The following MAST3 variants were observed in gnomAD, a reference collection of about 807,000 sequenced individuals.
MAST3 encodes microtubule-associated serine/threonine-protein kinase 3.
In MAST3, 43 loss-of-function variants were observed where a neutral mutation model predicts 127.0. That is an observed-to-expected ratio of 0.34 (90% confidence interval 0.27 to 0.44). The LOEUF (loss-of-function observed/expected upper bound fraction) is 0.44, where lower values mean the gene tolerates loss of function less well. Ranked by LOEUF, MAST3 falls within the 20% of genes least tolerant of loss-of-function variation. The pLI, the probability that MAST3 is intolerant of heterozygous loss-of-function variation, is 1.00. For synonymous variants in MAST3, 785 were observed against 809.2 expected (o/e 0.97, Z 0.51); for missense variants, 1,390 against 1,919.1 (o/e 0.72, Z 5.15).
intron 1 of MAST3, among the ~76,000 whole-genome samples, chr19:18,105,425 G>A (rs2037992048): frequency 6.6e-6 from 1 of 151,496 alleles, no homozygotes; most frequent in Non-Finnish European, 1.5e-5. Flanking sequence ...GCTTATGCCT[G>A]TAATCCCAGC....
chr19:18,107,705 T>A, intron 2 of MAST3, 87 bp downstream of exon 2: 2 of 1,314,532 alleles, frequency 1.5e-6, no homozygotes, highest in Non-Finnish European at 2.2e-6. Context: ...ATTGTGAATG[T>A]ATTTAATAAT....
In MAST3 at chr19:18,131,955, G is replaced by A. The variant is rs2041346898; in HGVS notation, c.1479G>A (p.Val493=). 4 of 1,613,164 alleles carry A rather than the reference G, an allele frequency of 2.5e-6. No homozygotes were observed. Among genetic ancestry groups the A allele is most frequent in the Non-Finnish European group, 3.4e-6 (4 of 1,179,692 alleles). Residue 493 remains valine, a synonymous_variant, in exon 15 of 28, where the codon GTG becomes GTA. Transcript: ENST00000687212. Reference sequence around the variant, plus strand: ...TGAAGAACATGGGCCCGCTGCCCGTGGACATGGCCCGCCTGTACTTCGCCG... The same window carrying A: ...TGAAGAACATGGGCCCGCTGCCCGTAGACATGGCCCGCCTGTACTTCGCCG... ...TLLKNMGPLP[V]DMARLYFAET...
rs2146930118 is a variant in MAST3 at position 18,110,405 on chromosome 19, G to A, written c.72-247G>A. ...AGGGCGGGGGTATGCGGGGTGCAGGGAGGACAGGATGACAACTACCCTCCC... is the reference window on the plus strand; with the variant it reads ...AGGGCGGGGGTATGCGGGGTGCAGGAAGGACAGGATGACAACTACCCTCCC... On this transcript the variant is annotated intron_variant, in intron 2 of 27. Transcript: ENST00000687212. The surrounding 1 kb of genome is among the most constrained non-coding windows in gnomAD (Gnocchi z 4.3). 1.0e-6 allele frequency: 1 copy of A among 985,560 alleles called. No homozygotes were observed. Among genetic ancestry groups the A allele is most frequent in the Non-Finnish European group, 1.2e-6 (1 of 829,956 alleles). The allele number at this position is 985,560 out of a possible 1,614,324, so 61.1% of individuals were successfully genotyped here.
intron 18 of MAST3, among the ~76,000 whole-genome samples, chr19:18,136,307 G>C (rs73925421): frequency 6.6e-6 from 1 of 152,246 alleles, no homozygotes; most frequent in Non-Finnish European, 1.5e-5. Context: ...GCAGAAGTGG[G>C]AGAAGCCCGG....
rs771841155 is a variant in MAST3 at position 18,124,731 on chromosome 19, G to A, written c.1035G>A (p.Gln345=). 6.2e-7 allele frequency: 1 copy of A among 1,609,594 alleles called. No individual in the cohort carries two copies. Among genetic ancestry groups the A allele is most frequent in the South Asian group, 1.1e-5 (1 of 90,896 alleles). The part of the protein sequence containing the change: ...EGQGIKTDLP[Q]YIIGQLGLAK... The stretch of plus-strand genomic sequence containing the variant: ...AAGGCATTAAGACTGACCTTCCACA[G>A]TACATCATTGGGCAGCTGGGCCTGG... The change falls in exon 11 of 28, where the codon CAG becomes CAA. Residue 345 remains glutamine, a synonymous_variant. Coordinates refer to ENST00000687212, the MANE Select transcript of MAST3 (RefSeq NM_001393504.1).
At chr19:18,134,355 G>A (rs977424885) in intron 15 of MAST3, among the ~76,000 whole-genome samples, 7 of 152,192 alleles carry the variant, frequency 4.6e-5, no homozygotes, top group Non-Finnish European at 8.8e-5. Flanking sequence ...AGACCAGCCT[G>A]GGCAACATAG....
intron 18 of MAST3, 128 bp from the exon 19 acceptor site, chr19:18,137,111 T>G (rs2041964679): frequency 1.7e-6 from 2 of 1,192,914 alleles, no homozygotes; most frequent in Non-Finnish European, 2.3e-6. Context: ...TGTGAGCCAC[T>G]GCGCCCGGCC....
At chr19:18,098,728 G>A (rs1285359638) in intron 1 of MAST3, 5 of 456,616 alleles carry the variant, frequency 1.1e-5, no homozygotes, top group African/African-American at 2.0e-5. Flanking sequence ...AAGTTTTCAG[G>A]TAGGGAACCT....
chr19:18,149,437 G>C lies in MAST3; in HGVS notation c.3755G>C (p.Arg1252Pro). ...PLPGHPPAPA[R>P]SPRLRRGQSA... Reference sequence around the variant, plus strand: ...CCCGGGCACCCGCCCGCACCTGCCCGATCCCCGCGGCTGCGCCGGGGCCAG... The same window carrying C: ...CCCGGGCACCCGCCCGCACCTGCCCCATCCCCGCGGCTGCGCCGGGGCCAG... The change falls in exon 28 of 28, where the codon CGA becomes CCA. Residue 1252 changes from arginine (R) to proline (P), a missense_variant. By Grantham distance (103) the Arg-to-Pro change is moderately radical. Coordinates refer to ENST00000687212, the MANE Select transcript of MAST3 (RefSeq NM_001393504.1). This position sits in a 1 kb window ranked among gnomAD's most constrained non-coding sequence, Gnocchi z 5.9. 6.6e-7 allele frequency: 1 copy of C among 1,516,882 alleles called. No individual in the cohort carries two copies. The highest frequency in any genetic ancestry group is 8.8e-7 in the Non-Finnish European group (1 of 1,136,074). 94.0% of individuals were successfully genotyped at this position (1,516,882 alleles called of 1,614,324 possible).
chr19:18,147,556 C>T lies in MAST3; in HGVS notation c.3440C>T (p.Ser1147Leu), dbSNP rs2147871156. The change falls in exon 27 of 28, where the codon TCG becomes TTG. Residue 1147 changes from serine (S) to leucine (L), a missense_variant. Transcript: ENST00000687212. ...SLSSSESLPG[S>L]PTHSLSPSPT... is the part of the protein sequence containing the mutation. ...TCATCCAGTGAGAGCCTCCCCGGCT[C>T]GCCCACCCACAGCCTCTCCCCCAGC... The T allele has an allele frequency of 6.3e-7, 1 of 1,592,164 alleles. No individual in the cohort carries two copies.
chr19:18,144,829 G>A lies in MAST3; in HGVS notation c.2812+136G>A, dbSNP rs2042867715. On this transcript the variant is annotated intron_variant, in intron 23 of 27. Coordinates refer to ENST00000687212, the MANE Select transcript of MAST3 (RefSeq NM_001393504.1). This position sits in a 1 kb window ranked among gnomAD's most constrained non-coding sequence, Gnocchi z 4.0. Reference sequence around the variant, plus strand: ...GAGGAGTAGGACACATGGAGAGCTGGGGAGATGGTGTTCCCAGTAGAGGGC... The same window carrying A: ...GAGGAGTAGGACACATGGAGAGCTGAGGAGATGGTGTTCCCAGTAGAGGGC... 1.3e-5 allele frequency: 13 copies of A among 1,037,286 alleles called. No individual in the cohort carries two copies. Among genetic ancestry groups the A allele is most frequent in the Admixed American group, 2.0e-5 (1 of 50,590 alleles). The allele number at this position is 1,037,286 out of a possible 1,614,324, so 64.3% of individuals were successfully genotyped here. A position where few individuals can be genotyped will look rare whatever the true frequency, so the allele number is the denominator to read the frequency against.
intron 5 of MAST3, among the ~76,000 whole-genome samples, chr19:18,122,450 G>A (rs273485): frequency 1.5e-3 from 212 of 144,360 alleles, no homozygotes; most frequent in African/African-American, 5.1e-3. Flanking sequence ...CTTTGACAGG[G>A]GACACAGTGG....
At chr19:18,127,429 A>G (rs1181932800) in intron 11 of MAST3, among the ~76,000 whole-genome samples, 2 of 152,104 alleles carry the variant, frequency 1.3e-5, no homozygotes, top group Non-Finnish European at 2.9e-5. Flanking sequence ...TATACCTGTA[A>G]TCCCAGCACT....
chr19:18,149,975 C>T lies in MAST3; in HGVS notation c.*249C>T. On this transcript the variant is annotated 3_prime_UTR_variant, in exon 28 of 28. Transcript: ENST00000687212. This position sits in a 1 kb window ranked among gnomAD's most constrained non-coding sequence, Gnocchi z 5.9. ...GCAAATCCCTGCAACTAATTTATTA[C>T]TTTTTTTTTCTTTTTTTTTTTTTTT... 1 of 315,014 alleles carries T rather than the reference C, an allele frequency of 3.2e-6. No individual in the cohort carries two copies. The highest frequency in any genetic ancestry group is 5.6e-6 in the Non-Finnish European group (1 of 179,440). The allele number at this position is 315,014 out of a possible 1,614,324, so 19.5% of individuals were successfully genotyped here.
chr19:18,120,274 G>T (rs765677963), intron 3 of MAST3, among the ~76,000 whole-genome samples: 81 of 152,218 alleles, frequency 5.3e-4, no homozygotes, highest in Non-Finnish European at 1.0e-3. Context: ...GTTGTCAAGA[G>T]ATGGGAGCAG....
chr19:18,130,794 C>T, intron 14 of MAST3, 92 bp downstream of exon 14: 8 of 1,282,078 alleles, frequency 6.2e-6, no homozygotes, highest in Non-Finnish European at 8.8e-6. Flanking sequence ...GAGGTCTGTT[C>T]TGTCCTCCAT....
At position 18,144,945 on chromosome 19, in the gene MAST3, G is replaced by A; in HGVS notation, c.2813-58G>A. 2 of 1,010,264 alleles carry A rather than the reference G, an allele frequency of 2.0e-6. No individual in the cohort carries two copies. Among genetic ancestry groups the A allele is most frequent in the Non-Finnish European group, 3.0e-6 (2 of 659,976 alleles). 62.6% of individuals were successfully genotyped at this position (1,010,264 alleles called of 1,614,324 possible). On this transcript the variant is annotated intron_variant, in intron 23 of 27. Transcript: ENST00000687212. The surrounding 1 kb of genome is among the most constrained non-coding windows in gnomAD (Gnocchi z 4.0). ...AGGGTGGTCGTTGTGGTGGGAAAGA[G>A]GGGGCCCCAGGGGAGACCTGTGAGG...
Position 18,121,689 on chromosome 19 carries a change from C to A in MAST3, c.166C>A (p.Arg56Ser). The A allele has an allele frequency of 6.2e-7, 1 of 1,613,610 alleles. No homozygotes were observed. Among genetic ancestry groups the A allele is most frequent in the Non-Finnish European group, 8.5e-7 (1 of 1,179,742 alleles). ...PSLGLHPWSC[R>S]SGNRKSLVVG... ...TGTCCCCTTTTCCCCCCACAGCTGC[C>A]GCAGCGGGAACCGCAAGAGCTTGGT... The change falls in exon 4 of 28, where the codon CGC (arginine) becomes AGC (serine). Residue 56 changes from arginine (R) to serine (S), a missense_variant. Coordinates refer to ENST00000687212, the MANE Select transcript of MAST3 (RefSeq NM_001393504.1).
At chr19:18,127,200 T>C (rs2040750721) in intron 11 of MAST3, among the ~76,000 whole-genome samples, 1 of 151,938 alleles carries the variant, frequency 6.6e-6, no homozygotes, top group South Asian at 2.1e-4. Flanking sequence ...CAGTGAGCCA[T>C]GATGGCACCA....
Sources: allele counts gnomAD v4.1 joint callset (sites outside exome capture counted in the v4.1 genomes callset), GRCh38; gene constraint gnomAD v4.1.1; non-coding constraint Gnocchi (gnomAD v3.1); transcripts MANE v1.5; gene names NCBI Gene and HGNC (gene_info 2026-07-23, HGNC 2026-07-21).